The following TOR1AIP1 variants were observed in gnomAD, a reference collection of about 807,000 sequenced individuals.
TOR1AIP1 encodes the protein torsin-1A-interacting protein 1.
A neutral mutation model predicts 63.3 loss-of-function variants in TOR1AIP1; 54 were observed. The observed-to-expected ratio is 0.85, with a 90% CI of 0.69 to 1.07. The LOEUF is 1.07. Among genes scored for constraint, TOR1AIP1 ranks in the 50% least tolerant of loss-of-function variants. TOR1AIP1 has a pLI of 0.00. For synonymous variants in TOR1AIP1, 294 were observed against 273.5 expected, an observed-to-expected ratio of 1.07 and a Z score of -0.74; for missense variants, 736 against 715.0, an observed-to-expected ratio of 1.03 and a Z score of -0.33.
At position 179,884,777 on chromosome 1, in the gene TOR1AIP1, T is replaced by G; in HGVS notation, c.553+8T>G. On this transcript the variant is annotated splice_region_variant and intron_variant, in intron 2 of 9. Coordinates refer to ENST00000606911, the MANE Select transcript of TOR1AIP1 (RefSeq NM_015602.4). Reference sequence around the variant, plus strand: ...GCATACAAGAGGCTCCAGGTAAGAATAGTTAACTTTTTGTTTTTCTCCTTA... The same window carrying G: ...GCATACAAGAGGCTCCAGGTAAGAAGAGTTAACTTTTTGTTTTTCTCCTTA... 1.3e-6 allele frequency: 2 copies of G among 1,594,880 alleles called. No homozygotes were observed. Among genetic ancestry groups the G allele is most frequent in the African/African-American group, 1.4e-5 (1 of 73,718 alleles).
At chr1:179,908,882 T>C (rs539659289) in intron 8 of TOR1AIP1, among the ~76,000 whole-genome samples, 1 of 152,168 alleles carries the variant, frequency 6.6e-6, no homozygotes, top group East Asian at 1.9e-4. Context: ...AAACCAGAGA[T>C]TGGCCAGGTG....
chr1:179,913,768 G>T, intron 8 of TOR1AIP1: 1 of 666,524 alleles, frequency 1.5e-6, no homozygotes, highest in Non-Finnish European at 2.7e-6. Flanking sequence ...TGTGTGCTTT[G>T]TACTAGACCC....
At position 179,910,975 on chromosome 1, in the gene TOR1AIP1, T is replaced by C. The variant is rs534596805; in HGVS notation, c.907+2302T>C. On this transcript the variant is annotated intron_variant, in intron 8 of 9. Coordinates refer to ENST00000606911, the MANE Select transcript of TOR1AIP1 (RefSeq NM_015602.4). The stretch of plus-strand genomic sequence containing the variant: ...TTTTAGTTGCTAAATTGATAGCTAA[T>C]TTTTAGTATTTTATCTGTTTGCATT... 2.6e-5 allele frequency among the ~76,000 whole-genome samples: 4 copies of C among 152,344 alleles called. No homozygotes were observed. The East Asian group carries it at 7.7e-4, about 29-fold the overall frequency.
rs1467295014 is a variant in TOR1AIP1, at chr1:179,919,807, C to T, written c.*1568C>T. The T allele has an allele frequency of 2.0e-5, 3 of 152,080 alleles. No individual in the cohort carries two copies. 9.4% of individuals were successfully genotyped at this position (152,080 alleles called of 1,614,324 possible). Reference sequence around the variant, plus strand: ...TACTACCAGTATTCATAAATGTATACCCCTTACTGTAATTTGTTCCTCTTA... The same window carrying T: ...TACTACCAGTATTCATAAATGTATATCCCTTACTGTAATTTGTTCCTCTTA... On this transcript the variant is annotated 3_prime_UTR_variant, in exon 10 of 10. Transcript: ENST00000606911.
At position 179,918,051 on chromosome 1, in the gene TOR1AIP1, A is replaced by C. The variant is rs1228027649; in HGVS notation, c.1564A>C (p.Ser522Arg). 1.2e-6 allele frequency: 2 copies of C among 1,614,110 alleles called. No homozygotes were observed. The highest frequency in any genetic ancestry group is 2.2e-5 in the East Asian group (1 of 44,902). ...VLLEEETLGT[S>R]LGLKEVEEKV... The stretch of plus-strand genomic sequence containing the variant: ...ATTGGAGGAAGAGACACTTGGAACA[A>C]GTCTAGGCCTAAAGGAAGTTGAAGA... The change falls in exon 10 of 10, where the codon AGT (serine) becomes CGT (arginine). Residue 522 changes from serine (S) to arginine (R), a missense_variant. Ser to Arg is a moderately radical substitution (Grantham distance 110, BLOSUM62 -1). Transcript: ENST00000606911.
intron 3 of TOR1AIP1, among the ~76,000 whole-genome samples, chr1:179,896,263 A>G (rs749009176): frequency 2.6e-5 from 4 of 152,126 alleles, no homozygotes; most frequent in African/African-American, 7.2e-5. Context: ...TATTTTATTC[A>G]TGGAACAAAC....
rs776719227 is a variant in TOR1AIP1, at chr1:179,901,355, A to G, written c.706A>G (p.Lys236Glu). The G allele has an allele frequency of 6.2e-7, 1 of 1,610,056 alleles. No homozygotes were observed. The highest frequency in any genetic ancestry group is 8.5e-7 in the Non-Finnish European group (1 of 1,177,670). ...DSSHSSVTTVKARSRDSDESG... is the reference protein window; with the variant it reads ...DSSHSSVTTVEARSRDSDESG... Reference sequence around the variant, plus strand: ...CTCTCACAGCAGTGTCACTACTGTTAAGGCCAGATCCAGGGATTCTGATGA... The same window carrying G: ...CTCTCACAGCAGTGTCACTACTGTTGAGGCCAGATCCAGGGATTCTGATGA... Residue 236 changes from lysine (K) to glutamate (E), a missense_variant, in exon 5 of 10, where the codon AAG becomes GAG. By Grantham distance (56) the Lys-to-Glu change is moderately conservative (BLOSUM62 1). Around this residue, in one of 2 missense-constraint regions of TOR1AIP1, gnomAD observed 464 missense variants for 371.0 expected, o/e 1.25. Coordinates refer to ENST00000606911, the MANE Select transcript of TOR1AIP1 (RefSeq NM_015602.4).
At chr1:179,908,946 A>G (rs995308277) in intron 8 of TOR1AIP1, among the ~76,000 whole-genome samples, 1 of 152,174 alleles carries the variant, frequency 6.6e-6, no homozygotes, top group Non-Finnish European at 1.5e-5. Flanking sequence ...TGGGTGGATC[A>G]CGAGGTCAGG....
chr1:179,887,226 C>A (rs1647934300), intron 2 of TOR1AIP1, among the ~76,000 whole-genome samples: 1 of 152,048 alleles, frequency 6.6e-6, no homozygotes, highest in Non-Finnish European at 1.5e-5. Flanking sequence ...GGTGAAAACC[C>A]CATCTCTACT....
Position 179,919,761 on chromosome 1 carries a change from G to A in TOR1AIP1, c.*1522G>A, listed in dbSNP as rs1294671133. On this transcript the variant is annotated 3_prime_UTR_variant, in exon 10 of 10. Coordinates refer to ENST00000606911, the MANE Select transcript of TOR1AIP1 (RefSeq NM_015602.4). ...AGAGTTCCACAAGTGGTAGTAGAGT[G>A]GTTTAACGTCTTTCCTCTAGTACTA... is the stretch of plus-strand genomic sequence containing the variant. 1 of 152,108 alleles carries A rather than the reference G, an allele frequency of 6.6e-6. No homozygotes were observed. The highest frequency in any genetic ancestry group is 1.5e-5 in the Non-Finnish European group (1 of 68,024). 9.4% of individuals were successfully genotyped at this position (152,108 alleles called of 1,614,324 possible).
intron 9 of TOR1AIP1, among the ~76,000 whole-genome samples, chr1:179,915,029 C>G (rs1176947829): frequency 6.6e-6 from 1 of 152,036 alleles, no homozygotes; most frequent in Non-Finnish European, 1.5e-5. Context: ...TGCATTTTTT[C>G]TAATCTCTTT....
At chr1:179,891,895 C>A (rs1382731536) in intron 3 of TOR1AIP1, among the ~76,000 whole-genome samples, 4 of 152,032 alleles carry the variant, frequency 2.6e-5, no homozygotes, top group African/African-American at 4.8e-5. Flanking sequence ...GAATTCGATA[C>A]GTTGTTCACG....
At chr1:179,885,283 A>G (rs1241575401) in intron 2 of TOR1AIP1, among the ~76,000 whole-genome samples, 1 of 152,248 alleles carries the variant, frequency 6.6e-6, no homozygotes, top group Non-Finnish European at 1.5e-5. Flanking sequence ...TGTACCACCT[A>G]GCAAGGGAAA....
intron 2 of TOR1AIP1, among the ~76,000 whole-genome samples, chr1:179,886,518 A>G (rs149131901): frequency 2.0e-5 from 3 of 152,238 alleles, no homozygotes; most frequent in African/African-American, 7.2e-5. Flanking sequence ...ATGAGATAGT[A>G]CATTTGAAAT....
intron 3 of TOR1AIP1, among the ~76,000 whole-genome samples, chr1:179,898,651 T>G (rs1453629580): frequency 6.6e-6 from 1 of 152,072 alleles, no homozygotes; most frequent in Non-Finnish European, 1.5e-5. Context: ...GATTACAGGC[T>G]AGGAGATGGG....
intron 1 of TOR1AIP1, 78 bp downstream of exon 1, chr1:179,883,055 A>C (rs373292839): frequency 7.7e-5 from 100 of 1,305,548 alleles, no homozygotes; most frequent in Non-Finnish European, 1.0e-4. Context: ...GGTGGAGCTC[A>C]TGCCCGCCTG....
chr1:179,884,901 C>A, intron 2 of TOR1AIP1, 132 bp downstream of exon 2: 1 of 585,514 alleles, frequency 1.7e-6, no homozygotes. Context: ...ACCAGCCACC[C>A]ATATAACCTT....
intron 3 of TOR1AIP1, among the ~76,000 whole-genome samples, chr1:179,892,346 C>T (rs1377770797): frequency 1.6e-4 from 3 of 18,814 alleles, no homozygotes; most frequent in Non-Finnish European, 5.1e-4. Context: ...TGGTGCTGTG[C>T]ACTGTAACCC....
chr1:179,896,980 G>C (rs576670242), intron 3 of TOR1AIP1, among the ~76,000 whole-genome samples: 1 of 152,016 alleles, frequency 6.6e-6, no homozygotes, highest in South Asian at 2.1e-4. Flanking sequence ...CAAATCTACG[G>C]GGATTATTAT....
Sources: allele counts gnomAD v4.1 joint callset (sites outside exome capture counted in the v4.1 genomes callset), GRCh38; gene constraint gnomAD v4.1.1; regional missense constraint gnomAD v4.1.1; transcripts MANE v1.5; gene names NCBI Gene and HGNC (gene_info 2026-07-23, HGNC 2026-07-21).